Variants in NRXN3 observed in about 807,000 individuals in gnomAD.
NRXN3 encodes neurexin 3.
In NRXN3, 32 loss-of-function variants were observed where a neutral mutation model predicts 137.6. The observed-to-expected ratio is 0.23, with a 90% confidence interval of 0.18 to 0.31. NRXN3 has a LOEUF of 0.31. Ranked by LOEUF, NRXN3 falls within the 10% of genes least tolerant of loss-of-function variation. The probability of loss-of-function intolerance (pLI) is 1.00; values close to 1 mark genes in which losing one functional copy is unlikely to be tolerated. For synonymous variants in NRXN3, 798 were observed against 784.5 expected (o/e 1.02, Z -0.29); for missense variants, 1,574 against 2,062.5 (o/e 0.76, Z 4.59).
At chr14:78,377,341 G>A (rs2088070484) in intron 4 of NRXN3, among the ~76,000 whole-genome samples, 1 of 152,234 alleles carries the variant, frequency 6.6e-6, no homozygotes, top group African/African-American at 2.4e-5. Context: ...AAAATGGTCA[G>A]TGTACCAAGA....
intron 4 of NRXN3, among the ~76,000 whole-genome samples, chr14:78,491,311 TC>T (rs67974935): frequency 0.36 from 54,052 of 151,864 alleles, 10,196 homozygotes; most frequent in Admixed American, 0.42. Context: ...GGGATGAGAT[TC>T]TGGTCAAGTC....
chr14:79,645,796 T>C lies in NRXN3; in HGVS notation c.3445-17982T>C, dbSNP rs1476178567. Among the ~76,000 whole-genome samples, 2 of 135,062 alleles carry C rather than the reference T, an allele frequency of 1.5e-5. 1 individual carries two copies. The highest frequency in any genetic ancestry group is 3.4e-5 in the Non-Finnish European group (2 of 58,114). 88.6% of individuals were successfully genotyped at this position (135,062 alleles called of 152,430 possible). ...GGGAAAAAATGTTGGCACCTGATAA[T>C]GGTGGACCTGGGATACCAGGCTGAA... On this transcript the variant is annotated intron_variant, in intron 16 of 20. Coordinates refer to ENST00000335750, the MANE Select transcript of NRXN3 (RefSeq NM_001330195.2).
intron 8 of NRXN3, among the ~76,000 whole-genome samples, chr14:78,733,477 C>G (rs1428587776): frequency 6.6e-6 from 1 of 152,154 alleles, no homozygotes; most frequent in Non-Finnish European, 1.5e-5. Flanking sequence ...ATGCGACCAT[C>G]CAAGCAAAGT....
chr14:79,628,818 C>G, intron 16 of NRXN3, among the ~76,000 whole-genome samples: 1 of 152,244 alleles, frequency 6.6e-6, no homozygotes, highest in South Asian at 2.1e-4. Context: ...AACTGTACGA[C>G]GTGAAAGTAG....
intron 15 of NRXN3, among the ~76,000 whole-genome samples, chr14:79,150,598 A>G (rs1329412105): frequency 6.6e-6 from 1 of 152,014 alleles, no homozygotes; most frequent in Admixed American, 6.6e-5. Flanking sequence ...CATGGTTGCC[A>G]TCTGACCTGG....
chr14:79,684,384 C>A (rs2098686299), intron 17 of NRXN3, among the ~76,000 whole-genome samples: 1 of 152,160 alleles, frequency 6.6e-6, no homozygotes, highest in Non-Finnish European at 1.5e-5. Flanking sequence ...AATCAGTATA[C>A]TAGTCAGGCC....
intron 5 of NRXN3, among the ~76,000 whole-genome samples, chr14:78,646,482 C>T (rs1276139510): frequency 6.6e-6 from 1 of 152,172 alleles, no homozygotes; most frequent in Non-Finnish European, 1.5e-5. Context: ...TTTTCTTCTG[C>T]CACATGATTG....
chr14:79,020,108 G>C (rs2099586134), intron 15 of NRXN3, among the ~76,000 whole-genome samples: 1 of 145,722 alleles, frequency 6.9e-6, no homozygotes, highest in South Asian at 2.2e-4. Flanking sequence ...ATGGCTTCAA[G>C]GTTGCTTTCT....
chr14:78,556,332 C>A (rs1465790535), intron 4 of NRXN3, among the ~76,000 whole-genome samples: 1 of 152,106 alleles, frequency 6.6e-6, no homozygotes, highest in Non-Finnish European at 1.5e-5. Context: ...CCATTTTAAT[C>A]CAAAGCTCTT....
intron 14 of NRXN3, among the ~76,000 whole-genome samples, chr14:78,973,062 G>A (rs2153019812): frequency 6.6e-6 from 1 of 152,256 alleles, no homozygotes; most frequent in African/African-American, 2.4e-5. Context: ...TTCTGAAAGG[G>A]TGACAGATAA....
chr14:78,378,484 C>CAAAAAAAAAAAAAAAAAATAAA (rs2088345390), intron 4 of NRXN3, among the ~76,000 whole-genome samples: 1 of 126,904 alleles, frequency 7.9e-6, no homozygotes, highest in Non-Finnish European at 1.7e-5. Context: ...GATTCTGTCT[C>CAAAAAAAAAAAAAAAAAATAAA]AAAAAAAAAA....
At chr14:78,535,521 A>G (rs1350059682) in intron 4 of NRXN3, among the ~76,000 whole-genome samples, 3 of 152,230 alleles carry the variant, frequency 2.0e-5, no homozygotes, top group Non-Finnish European at 4.4e-5. Context: ...AGATGTAGTT[A>G]TAGGTCACAT....
chr14:78,351,776 A>G (rs1039094237), intron 4 of NRXN3, among the ~76,000 whole-genome samples: 1 of 96,260 alleles, frequency 1.0e-5, no homozygotes, highest in Non-Finnish European at 2.3e-5. Context: ...ACTTTTTGGT[A>G]TTTTTCTTTT....
intron 10 of NRXN3, among the ~76,000 whole-genome samples, chr14:78,873,536 G>A (rs1467908978): frequency 2.0e-5 from 3 of 152,154 alleles, no homozygotes; most frequent in African/African-American, 7.2e-5. Flanking sequence ...TTTACTGCTT[G>A]CCTATCATGG....
At chr14:79,221,967 G>A (rs7153731) in intron 15 of NRXN3, among the ~76,000 whole-genome samples, 7,354 of 152,006 alleles carry the variant, frequency 0.048, 456 homozygotes, top group African/African-American at 0.14. Flanking sequence ...AGTTTTCTGC[G>A]TATGGCTAGC....
At chr14:78,892,478 C>T (rs2099161781) in intron 10 of NRXN3, among the ~76,000 whole-genome samples, 1 of 151,692 alleles carries the variant, frequency 6.6e-6, no homozygotes, top group Admixed American at 6.6e-5. Context: ...TGAGTTTAGA[C>T]ATTGTTCTGA....
chr14:79,071,457 C>T (rs2099687653), intron 15 of NRXN3, among the ~76,000 whole-genome samples: 1 of 152,156 alleles, frequency 6.6e-6, no homozygotes, highest in African/African-American at 2.4e-5. Context: ...TTGAGAAACA[C>T]ATTTTTTAAA....
rs17109754 is a variant in NRXN3, at chr14:79,686,355, G to A, written c.3617-5818G>A. Among the ~76,000 whole-genome samples, 1,686 of 152,202 alleles carry A rather than the reference G, an allele frequency of 0.011. 130 individuals are homozygous for A. The East Asian group carries it at 0.21, about 19-fold the overall frequency. On this transcript the variant is annotated intron_variant, in intron 17 of 20. Transcript: ENST00000335750. ...AATATCGAGACTGAAAAAGGTTTTG[G>A]AAGGCTCTCAAGGCAAGGATTTACC... is the stretch of plus-strand genomic sequence containing the variant.
chr14:78,321,922 G>C (rs1208197969), intron 4 of NRXN3, among the ~76,000 whole-genome samples: 1 of 151,956 alleles, frequency 6.6e-6, no homozygotes, highest in Non-Finnish European at 1.5e-5. Flanking sequence ...TTACCTGAGT[G>C]CAGATGAGGA....
Sources: allele counts gnomAD v4.1 joint callset (sites outside exome capture counted in the v4.1 genomes callset), GRCh38; gene constraint gnomAD v4.1.1; transcripts MANE v1.5; gene names NCBI Gene and HGNC (gene_info 2026-07-23, HGNC 2026-07-21).